Variants in CCDC178 observed in about 807,000 individuals in gnomAD.
The protein encoded by CCDC178 is coiled-coil domain-containing protein 178.
A neutral mutation model predicts 117.4 loss-of-function variants in CCDC178; 126 were observed. The ratio of observed to expected loss-of-function variants is 1.07; its 90% confidence interval spans 0.93 to 1.24. CCDC178 has a LOEUF of 1.24. CCDC178 is among the 50% of genes most tolerant of loss of function. The probability of loss-of-function intolerance (pLI) is 0.00; values close to 1 mark genes in which losing one functional copy is unlikely to be tolerated. For synonymous variants in CCDC178, 283 were observed against 313.4 expected, an observed-to-expected ratio of 0.90 and a Z score of 1.02; for missense variants, 1,030 against 986.9, an observed-to-expected ratio of 1.04 and a Z score of -0.59.
intron 20 of CCDC178, among the ~76,000 whole-genome samples, chr18:33,210,713 G>A (rs2059096672): frequency 6.6e-6 from 1 of 151,908 alleles, no homozygotes; most frequent in African/African-American, 2.4e-5. Context: ...TCCATTCGTA[G>A]CTCACACATC....
At chr18:33,324,287 A>G (rs2062556580) in intron 10 of CCDC178, among the ~76,000 whole-genome samples, 1 of 151,912 alleles carries the variant, frequency 6.6e-6, no homozygotes, top group East Asian at 1.9e-4. Context: ...TTATATGAGC[A>G]TTATGCACAG....
chr18:33,410,123 T>C (rs551174440), intron 3 of CCDC178, among the ~76,000 whole-genome samples: 1 of 152,322 alleles, frequency 6.6e-6, no homozygotes, highest in African/African-American at 2.4e-5. Context: ...GACTGGATCA[T>C]TTTCTGTTCC....
intron 4 of CCDC178, among the ~76,000 whole-genome samples, chr18:33,394,983 A>ATATT (rs2063616351): frequency 7.8e-6 from 1 of 127,938 alleles, no homozygotes; most frequent in Admixed American, 7.9e-5. Flanking sequence ...ATATATATAT[A>ATATT]TATATGTATA....
At chr18:33,289,398 T>C (rs1033493903) in intron 12 of CCDC178, among the ~76,000 whole-genome samples, 1 of 152,114 alleles carries the variant, frequency 6.6e-6, no homozygotes, top group Non-Finnish European at 1.5e-5. Flanking sequence ...GTGGATCACC[T>C]GAGGTCAGGA....
At chr18:33,189,537 T>G (rs184501115) in intron 20 of CCDC178, among the ~76,000 whole-genome samples, 96 of 152,298 alleles carry the variant, frequency 6.3e-4, no homozygotes, top group African/African-American at 2.2e-3. Context: ...GTATTTACAT[T>G]ACAGGATAGC....
intron 14 of CCDC178, among the ~76,000 whole-genome samples, chr18:33,249,886 C>T (rs1041747864): frequency 6.6e-6 from 1 of 152,024 alleles, no homozygotes; most frequent in Non-Finnish European, 1.5e-5. Context: ...GACATTGATT[C>T]TTCCTATCCA....
chr18:33,362,340 A>T (rs1971192080), intron 6 of CCDC178, among the ~76,000 whole-genome samples: 1 of 151,778 alleles, frequency 6.6e-6, no homozygotes, highest in African/African-American at 2.4e-5. Flanking sequence ...TGTGGAATAT[A>T]TTTTTTTAAG....
chr18:33,073,533 AT>A, intron 21 of CCDC178, among the ~76,000 whole-genome samples: 1 of 149,320 alleles, frequency 6.7e-6, no homozygotes, highest in African/African-American at 2.5e-5. Flanking sequence ...CTATCTATCT[AT>A]CTATCTATCT....
intron 12 of CCDC178, among the ~76,000 whole-genome samples, chr18:33,280,065 C>A (rs1380254576): frequency 6.7e-6 from 1 of 149,512 alleles, no homozygotes. Flanking sequence ...GTCTAAAACA[C>A]CAAAAGCAAT....
chr18:32,950,060 AACCAGATACTATT>A (rs1193097619), intron 22 of CCDC178, among the ~76,000 whole-genome samples: 1 of 152,182 alleles, frequency 6.6e-6, no homozygotes, highest in Non-Finnish European at 1.5e-5. Flanking sequence ...CATATGTAAC[AACCAGATACTATT>A]TCCACTAATA....
At chr18:33,115,516 AT>A (rs1417497363) in intron 20 of CCDC178, among the ~76,000 whole-genome samples, 4 of 151,838 alleles carry the variant, frequency 2.6e-5, no homozygotes, top group African/African-American at 4.8e-5. Flanking sequence ...ATAGATCTTA[AT>A]TTTTTTTCAG....
At chr18:32,985,705 T>C (rs1016786055) in intron 21 of CCDC178, among the ~76,000 whole-genome samples, 4 of 151,988 alleles carry the variant, frequency 2.6e-5, no homozygotes, top group Admixed American at 2.6e-4. Flanking sequence ...AAAAAGAATA[T>C]AAATAGCAAT....
chr18:33,079,686 T>C (rs2057266656), intron 21 of CCDC178, among the ~76,000 whole-genome samples: 1 of 152,168 alleles, frequency 6.6e-6, no homozygotes, highest in African/African-American at 2.4e-5. Context: ...AAGCCCAATA[T>C]CACTGATCAT....
chr18:33,135,571 A>T (rs1404868900), intron 20 of CCDC178, among the ~76,000 whole-genome samples: 2 of 152,216 alleles, frequency 1.3e-5, no homozygotes, highest in East Asian at 3.9e-4. Flanking sequence ...TAAAAGTCAC[A>T]AAGTGATAAC....
chr18:33,008,372 CCT>C (rs1247037726), intron 21 of CCDC178, among the ~76,000 whole-genome samples: 2 of 151,832 alleles, frequency 1.3e-5, no homozygotes, highest in African/African-American at 2.4e-5. Flanking sequence ...TGTAGTTTAC[CCT>C]CTCTCTTGTT....
intron 20 of CCDC178, among the ~76,000 whole-genome samples, chr18:33,184,295 T>C (rs951782119): frequency 3.9e-5 from 6 of 151,972 alleles, no homozygotes; most frequent in Non-Finnish European, 7.4e-5. Flanking sequence ...CGGAATGCCA[T>C]TGTCATCTAA....
intron 3 of CCDC178, among the ~76,000 whole-genome samples, chr18:33,403,639 G>A (rs543894121): frequency 2.6e-5 from 4 of 152,262 alleles, no homozygotes; most frequent in South Asian, 2.1e-4. Context: ...AAAGCTGAAC[G>A]GAAATACTCA....
chr18:33,316,460 C>A (rs1018187132), intron 11 of CCDC178, among the ~76,000 whole-genome samples: 6 of 152,066 alleles, frequency 3.9e-5, no homozygotes, highest in Non-Finnish European at 5.9e-5. Flanking sequence ...GAGCCCCCCG[C>A]ACCCCTCCCC....
intron 10 of CCDC178, among the ~76,000 whole-genome samples, chr18:33,324,086 TCA>T (rs2062553911): frequency 6.6e-6 from 1 of 151,810 alleles, no homozygotes; most frequent in Non-Finnish European, 1.5e-5. Flanking sequence ...TTCAAAATAT[TCA>T]GTTTTTACTC....
Sources: gnomAD v4.1 joint callset for allele counts (sites outside exome capture counted in the v4.1 genomes callset) on GRCh38, gnomAD v4.1.1 for gene constraint, MANE v1.5 for transcripts, NCBI Gene and HGNC (gene_info 2026-07-23, HGNC 2026-07-21) for gene names.